Variants in ITGA11 observed in about 807,000 individuals in gnomAD.
ITGA11 encodes integrin alpha-11.
A neutral mutation model predicts 141.9 loss-of-function variants in ITGA11; 97 were observed. That is an observed-to-expected ratio of 0.68 (90% CI 0.58 to 0.81). The LOEUF (loss-of-function observed/expected upper bound fraction) is 0.81. ITGA11 is among the 30% of genes least tolerant of loss of function. The pLI, the probability that ITGA11 is intolerant of heterozygous loss-of-function variation, is 0.00. For missense variants in ITGA11, 1,387 were observed against 1,559.2 expected (o/e 0.89, Z 1.86); for synonymous variants, 658 against 624.6 (o/e 1.05, Z -0.80).
chr15:68,378,540 G>A (rs971987328), intron 2 of ITGA11, among the ~76,000 whole-genome samples: 3 of 135,800 alleles, frequency 2.2e-5, no homozygotes, highest in Non-Finnish European at 3.3e-5. Context: ...CTACTCAAGA[G>A]GCTGAGGCAA....
At chr15:68,374,642 C>T (rs907162299) in intron 2 of ITGA11, among the ~76,000 whole-genome samples, 3 of 152,166 alleles carry the variant, frequency 2.0e-5, no homozygotes, top group African/African-American at 4.8e-5. Flanking sequence ...CTTAGCTCCC[C>T]AGCAGATGAA....
At position 68,298,827 on chromosome 15, in the gene ITGA11, A is replaced by AGAT. The variant is rs1374121353; in HGVS notation, c.*4229_*4231dup. Reference sequence around the variant, plus strand: ...CATCTTTTTTAATGCAGGGCCAGGGAGATAATCCAGGAGTTTGAGACCAGC... The same window carrying AGAT: ...CATCTTTTTTAATGCAGGGCCAGGGAGATGATAATCCAGGAGTTTGAGACCAGC... On this transcript the variant is annotated 3_prime_UTR_variant, in exon 30 of 30. Transcript: ENST00000315757. 6.6e-6 allele frequency: 1 copy of AGAT among 152,162 alleles called. No homozygotes were observed. Among genetic ancestry groups the AGAT allele is most frequent in the African/African-American group, 2.4e-5 (1 of 41,406 alleles). 9.4% of individuals were successfully genotyped at this position (152,162 alleles called of 1,614,324 possible).
chr15:68,332,620 C>G, intron 12 of ITGA11, 142 bp from the exon 13 acceptor site: 1 of 880,890 alleles, frequency 1.1e-6, no homozygotes, highest in East Asian at 2.7e-5. Context: ...CCTTCTCACG[C>G]GCTACCTCTC....
At chr15:68,370,909 G>T (rs1234610244) in intron 2 of ITGA11, among the ~76,000 whole-genome samples, 1 of 152,188 alleles carries the variant, frequency 6.6e-6, no homozygotes, top group African/African-American at 2.4e-5. Flanking sequence ...GCTTCTTGTG[G>T]TCCATTGCTC....
At chr15:68,408,925 C>T (rs1312488102) in intron 1 of ITGA11, among the ~76,000 whole-genome samples, 2 of 152,184 alleles carry the variant, frequency 1.3e-5, no homozygotes, top group Non-Finnish European at 2.9e-5. Flanking sequence ...GTTACTCTCC[C>T]TTTCTGGTTT....
rs1893287495 is a variant in ITGA11, at chr15:68,308,875, T to C, written c.3175-1179A>G. 6.6e-6 allele frequency among the ~76,000 whole-genome samples: 1 copy of C among 152,262 alleles called. No homozygotes were observed. Among genetic ancestry groups the C allele is most frequent in the South Asian group, 2.1e-4 (1 of 4,836 alleles). ...AAAAAAATCTTGTTCAGGCCCTCACTGAAGAAGCCTGACAATTAACAGCAG... is the reference window on the plus strand; with the variant it reads ...AAAAAAATCTTGTTCAGGCCCTCACCGAAGAAGCCTGACAATTAACAGCAG... On this transcript the variant is annotated intron_variant, in intron 26 of 29. Transcript: ENST00000315757. The surrounding 1 kb of genome is among the most constrained non-coding windows in gnomAD (Gnocchi z 5.2).
In ITGA11 at chr15:68,373,426, C is replaced by G. The variant is rs151001983; in HGVS notation, c.165-4142G>C. Among the ~76,000 whole-genome samples, 1,159 of 152,322 alleles carry G rather than the reference C, an allele frequency of 7.6e-3. 10 individuals are homozygous for G. The highest frequency in any genetic ancestry group is 0.025 in the African/African-American group (1,046 of 41,564). Reference sequence around the variant, plus strand: ...CTAAGAGAAGCCCCTGAATTCAATCCTTGGAAAGAGGGTTGTTGAGAAATC... The same window carrying G: ...CTAAGAGAAGCCCCTGAATTCAATCGTTGGAAAGAGGGTTGTTGAGAAATC... On this transcript the variant is annotated intron_variant, in intron 2 of 29. Transcript: ENST00000315757.
chr15:68,352,235 C>A (rs771218127), intron 7 of ITGA11, among the ~76,000 whole-genome samples: 1 of 150,762 alleles, frequency 6.6e-6, no homozygotes, highest in African/African-American at 2.4e-5. Flanking sequence ...CTCTGTTGCC[C>A]AGGCTGGAGT....
At chr15:68,388,770 C>T (rs868217158) in intron 2 of ITGA11, among the ~76,000 whole-genome samples, 4 of 152,152 alleles carry the variant, frequency 2.6e-5, no homozygotes, top group African/African-American at 4.8e-5. Flanking sequence ...TCTCCTCCCT[C>T]GATTCCATCC....
Position 68,320,258 on chromosome 15 carries a change from C to A in ITGA11, c.2543G>T (p.Gly848Val), listed in dbSNP as rs766887765. Residue 848 changes from glycine (G) to valine (V), a missense_variant, in exon 20 of 30, where the codon GGC becomes GTC. Physicochemically the swap from Gly to Val is moderately radical, Grantham distance 109 (BLOSUM62 -3). Coordinates refer to ENST00000315757, the MANE Select transcript of ITGA11 (RefSeq NM_001004439.2). ...TAGGACCGTGCTGTAGGCGTTCTCG[C>A]CCCTGTTCTCCAGTGTGGCCTCCAC... Reference protein sequence around the residue: ...VAVEATLENRGENAYSTVLNI... With the variant: ...VAVEATLENRVENAYSTVLNI... The A allele has an allele frequency of 6.2e-7, 1 of 1,613,950 alleles. No individual in the cohort carries two copies. The highest frequency in any genetic ancestry group is 8.5e-7 in the Non-Finnish European group (1 of 1,179,914).
At chr15:68,350,506 G>C (rs997891843) in intron 9 of ITGA11, 111 bp downstream of exon 9, 3 of 1,046,938 alleles carry the variant, frequency 2.9e-6, no homozygotes, top group Non-Finnish European at 4.1e-6. Context: ...TTATTATTAC[G>C]GAAGACTCTT....
Position 68,299,533 on chromosome 15 carries a change from T to C in ITGA11, c.*3526A>G, listed in dbSNP as rs919174971. 1 of 151,550 alleles carries C rather than the reference T, an allele frequency of 6.6e-6. No individual in the cohort carries two copies. Among genetic ancestry groups the C allele is most frequent in the Non-Finnish European group, 1.5e-5 (1 of 67,924 alleles). 9.4% of individuals were successfully genotyped at this position (151,550 alleles called of 1,614,324 possible). A position where few individuals can be genotyped will look rare whatever the true frequency, so the allele number is the denominator to read the frequency against. On this transcript the variant is annotated 3_prime_UTR_variant, in exon 30 of 30. Coordinates refer to ENST00000315757, the MANE Select transcript of ITGA11 (RefSeq NM_001004439.2). ...TTGAATAAAAACAGGGGACCATTCA[T>C]ACTAATGGCTGTATTTAAGTCACCC...
Position 68,321,459 on chromosome 15 carries a change from A to T in ITGA11, c.2367T>A (p.Pro789=). Residue 789 remains proline, a synonymous_variant, in exon 19 of 30, where the codon CCT becomes CCA. Transcript: ENST00000315757. The surrounding 1 kb of genome is among the most constrained non-coding windows in gnomAD (Gnocchi z 4.9). The part of the protein sequence containing the change: ...NGCNEDEHCV[P]DLVLDARSDL... ...CACTCCGGGCATCCAACACAAGGTC[A>T]GGGACACAGTGCTCATCCTCATTGC... is the stretch of plus-strand genomic sequence containing the variant. 1 of 1,594,332 alleles carries T rather than the reference A, an allele frequency of 6.3e-7. No individual in the cohort carries two copies. The highest frequency in any genetic ancestry group is 8.5e-7 in the Non-Finnish European group (1 of 1,170,290).
At chr15:68,421,190 C>T (rs1181081035) in intron 1 of ITGA11, among the ~76,000 whole-genome samples, 4 of 147,774 alleles carry the variant, frequency 2.7e-5, no homozygotes, top group East Asian at 2.0e-4. Flanking sequence ...GGAGCTTCCT[C>T]AGGTGGGAGG....
intron 10 of ITGA11, among the ~76,000 whole-genome samples, chr15:68,339,978 C>T (rs1431858972): frequency 6.6e-6 from 1 of 152,154 alleles, no homozygotes; most frequent in African/African-American, 2.4e-5. Flanking sequence ...GGGACCGTCT[C>T]GCCACTGTCC....
intron 1 of ITGA11, among the ~76,000 whole-genome samples, chr15:68,429,832 C>A (rs992958473): frequency 6.6e-6 from 1 of 152,154 alleles, no homozygotes; most frequent in Non-Finnish European, 1.5e-5. Context: ...CACTTTCAGG[C>A]CCATGCACAC....
chr15:68,338,645 C>G (rs1179722557), intron 11 of ITGA11, among the ~76,000 whole-genome samples: 1 of 152,218 alleles, frequency 6.6e-6, no homozygotes, highest in Non-Finnish European at 1.5e-5. Context: ...GAGTCATAGG[C>G]AGGGTATTGG....
chr15:68,326,374 TTC>T lies in ITGA11; in HGVS notation c.2211+278_2211+279del. The stretch of plus-strand genomic sequence containing the variant: ...TGTGCCCCCCACCAGCTGCTCCTAG[TTC>T]TCTCTGCTGGACCTACTGAGCCCAC... On this transcript the variant is annotated intron_variant, in intron 17 of 29. Coordinates refer to ENST00000315757, the MANE Select transcript of ITGA11 (RefSeq NM_001004439.2). This position sits in a 1 kb window ranked among gnomAD's most constrained non-coding sequence, Gnocchi z 6.8. Among the ~76,000 whole-genome samples, 1 of 152,184 alleles carries T rather than the reference TTC, an allele frequency of 6.6e-6. No homozygotes were observed. Among genetic ancestry groups the T allele is most frequent in the Non-Finnish European group, 1.5e-5 (1 of 68,030 alleles).
At chr15:68,379,208 C>T (rs988854130) in intron 2 of ITGA11, among the ~76,000 whole-genome samples, 3 of 152,226 alleles carry the variant, frequency 2.0e-5, no homozygotes, top group Admixed American at 2.0e-4. Flanking sequence ...GAGCAGTCTC[C>T]TCATCCCAAA....
Sources: gnomAD v4.1 joint callset for allele counts (sites outside exome capture counted in the v4.1 genomes callset) on GRCh38, gnomAD v4.1.1 for gene constraint, Gnocchi (gnomAD v3.1) non-coding constraint, MANE v1.5 for transcripts, NCBI Gene and HGNC (gene_info 2026-07-23, HGNC 2026-07-21) for gene names.